The following XYLT1 variants were observed in gnomAD, a reference collection of about 807,000 sequenced individuals.
XYLT1 encodes xylosyltransferase 1, also known as beta-D-xylosyltransferase 1.
XYLT1 carries 36 observed loss-of-function variants against 91.3 expected under a neutral mutation model. That is an observed-to-expected ratio of 0.39 (90% CI 0.30 to 0.52). The LOEUF is 0.52. Among genes scored for constraint, XYLT1 ranks in the 20% least tolerant of loss-of-function variants. The pLI, the probability that XYLT1 is intolerant of heterozygous loss-of-function variation, is 0.68. For synonymous variants in XYLT1, 588 were observed against 532.0 expected (o/e 1.11, Z -1.45); for missense variants, 1,242 against 1,284.5 (o/e 0.97, Z 0.51).
intron 1 of XYLT1, among the ~76,000 whole-genome samples, chr16:17,374,570 C>G (rs920275334): frequency 6.6e-6 from 1 of 151,642 alleles, no homozygotes; most frequent in Non-Finnish European, 1.5e-5. Context: ...ATAACCCACA[C>G]GGTCTAAGAC....
At chr16:17,246,739 GC>G (rs1354647252) in intron 3 of XYLT1, among the ~76,000 whole-genome samples, 1 of 152,170 alleles carries the variant, frequency 6.6e-6, no homozygotes, top group Non-Finnish European at 1.5e-5. Context: ...TCGTGTCCTA[GC>G]CCCGTGCAGG....
rs1555488928 is a variant in XYLT1 at position 17,225,177 on chromosome 16, A to ACTCTCTCTCTCT, written c.914-24535_914-24524dup. Among the ~76,000 whole-genome samples the ACTCTCTCTCTCT allele has an allele frequency of 1.2e-4, 17 of 147,462 alleles. 1 individual carries two copies. Among genetic ancestry groups the ACTCTCTCTCTCT allele is most frequent in the African/African-American group, 4.3e-4 (17 of 39,606 alleles). On this transcript the variant is annotated intron_variant, in intron 3 of 11. Transcript: ENST00000261381. ...TACACACACACACACACACACACAC[A>ACTCTCTCTCTCT]CTCTCTCTCTCTCTATTTATAATTG...
At chr16:17,226,512 G>T (rs2033068782) in intron 3 of XYLT1, among the ~76,000 whole-genome samples, 1 of 152,190 alleles carries the variant, frequency 6.6e-6, no homozygotes, top group African/African-American at 2.4e-5. Flanking sequence ...TTTCCAGCAG[G>T]CACAGTGGCT....
intron 5 of XYLT1, among the ~76,000 whole-genome samples, chr16:17,190,884 T>C (rs1438707333): frequency 6.6e-6 from 1 of 152,210 alleles, no homozygotes; most frequent in Non-Finnish European, 1.5e-5. Flanking sequence ...GATTCTACAG[T>C]TTACTGGCTG....
rs10606202 is a variant in XYLT1, at chr16:17,321,342, C to CTTTTTTTTTTTTTTTTTTTT, written c.402+36650_402+36669dup. Among the ~76,000 whole-genome samples, 12 of 43,582 alleles carry CTTTTTTTTTTTTTTTTTTTT rather than the reference C, an allele frequency of 2.8e-4. 3 individuals are homozygous for CTTTTTTTTTTTTTTTTTTTT. Among genetic ancestry groups the CTTTTTTTTTTTTTTTTTTTT allele is most frequent in the Non-Finnish European group, 3.4e-4 (8 of 23,758 alleles). 28.6% of individuals were successfully genotyped at this position (43,582 alleles called of 152,430 possible). ...GACAGTTCCCAAAGTACTAACTAGC[C>CTTTTTTTTTTTTTTTTTTTT]TTTTTTTTTTTTTTTTTTTTTTTTT... On this transcript the variant is annotated intron_variant, in intron 2 of 11. Transcript: ENST00000261381.
intron 2 of XYLT1, among the ~76,000 whole-genome samples, chr16:17,311,014 C>T (rs919123218): frequency 2.0e-5 from 3 of 152,176 alleles, no homozygotes; most frequent in African/African-American, 7.2e-5. Flanking sequence ...CTTCCTTCTG[C>T]CTCCTTTCCA....
intron 3 of XYLT1, among the ~76,000 whole-genome samples, chr16:17,248,619 C>T (rs2033482087): frequency 6.6e-6 from 1 of 152,120 alleles, no homozygotes; most frequent in Non-Finnish European, 1.5e-5. Context: ...CACGATACTC[C>T]CTTGACCTGG....
intron 6 of XYLT1, among the ~76,000 whole-genome samples, chr16:17,145,576 C>A (rs986099035): frequency 5.3e-5 from 8 of 152,196 alleles, no homozygotes; most frequent in African/African-American, 1.9e-4. Flanking sequence ...AAATAGGAGA[C>A]AGAAAGACAC....
chr16:17,126,946 G>C (rs575729861), intron 10 of XYLT1, among the ~76,000 whole-genome samples: 1 of 152,308 alleles, frequency 6.6e-6, no homozygotes, highest in Non-Finnish European at 1.5e-5. Flanking sequence ...TGAGTGACCA[G>C]ATAAAGCAAC....
At chr16:17,234,242 GC>G (rs1172472366) in intron 3 of XYLT1, among the ~76,000 whole-genome samples, 1 of 152,130 alleles carries the variant, frequency 6.6e-6, no homozygotes, top group African/African-American at 2.4e-5. Context: ...ATTGCAGAAA[GC>G]CTGCCTTCTG....
At chr16:17,428,117 G>A (rs908708414) in intron 1 of XYLT1, among the ~76,000 whole-genome samples, 2 of 152,112 alleles carry the variant, frequency 1.3e-5, no homozygotes, top group African/African-American at 4.8e-5. Flanking sequence ...CTGAGTAGCT[G>A]GGATTACAGG....
intron 3 of XYLT1, among the ~76,000 whole-genome samples, chr16:17,216,083 C>T (rs900973453): frequency 1.1e-4 from 16 of 152,290 alleles, no homozygotes; most frequent in African/African-American, 3.8e-4. Context: ...AGAAAGCCTG[C>T]TCTATCTGTA....
chr16:17,139,598 A>G (rs889136674), intron 7 of XYLT1, among the ~76,000 whole-genome samples: 1 of 152,116 alleles, frequency 6.6e-6, no homozygotes, highest in Non-Finnish European at 1.5e-5. Flanking sequence ...ACACTAAATG[A>G]CAAGCCCATG....
At chr16:17,161,788 A>G (rs2031562507) in intron 5 of XYLT1, among the ~76,000 whole-genome samples, 1 of 151,610 alleles carries the variant, frequency 6.6e-6, no homozygotes. Flanking sequence ...CTATCTCATC[A>G]TCAATTTCCT....
intron 11 of XYLT1, among the ~76,000 whole-genome samples, chr16:17,112,283 T>G (rs1966843307): frequency 6.6e-6 from 1 of 152,120 alleles, no homozygotes; most frequent in African/African-American, 2.4e-5. Context: ...TGATGAATCA[T>G]TTTACAAATT....
At chr16:17,406,160 G>A (rs974874877) in intron 1 of XYLT1, among the ~76,000 whole-genome samples, 1 of 152,172 alleles carries the variant, frequency 6.6e-6, no homozygotes, top group Admixed American at 6.5e-5. Context: ...AGCCTAGCCT[G>A]GGCAACAGAG....
At chr16:17,355,931 C>T (rs1057481961) in intron 2 of XYLT1, among the ~76,000 whole-genome samples, 26 of 152,104 alleles carry the variant, frequency 1.7e-4, no homozygotes, top group African/African-American at 5.8e-4. Context: ...CCAGGCTGGT[C>T]TCGAACTCCT....
chr16:17,379,760 C>CTCTT (rs1555501199), intron 1 of XYLT1, among the ~76,000 whole-genome samples: 1 of 139,552 alleles, frequency 7.2e-6, no homozygotes, highest in East Asian at 1.9e-4. Context: ...CTCTCTCTCT[C>CTCTT]TCTCACACAC....
intron 1 of XYLT1, among the ~76,000 whole-genome samples, chr16:17,450,743 G>A (rs920085018): frequency 2.6e-5 from 4 of 152,142 alleles, no homozygotes; most frequent in African/African-American, 4.8e-5. Flanking sequence ...AACAGACTAA[G>A]ACATTCCAGC....
Sources: gnomAD v4.1 joint callset for allele counts (sites outside exome capture counted in the v4.1 genomes callset) on GRCh38, gnomAD v4.1.1 for gene constraint, MANE v1.5 for transcripts, NCBI Gene and HGNC (gene_info 2026-07-23, HGNC 2026-07-21) for gene names.